PHF24: variants seen among roughly 807,000 people sequenced by gnomAD.
PHF24 encodes PHD finger protein 24, also known as Galpha inhibitory interacting protein.
Under a neutral mutation model 42.6 loss-of-function variants are expected in PHF24, and 25 were observed. The ratio of observed to expected loss-of-function variants is 0.59; its 90% CI spans 0.43 to 0.82. PHF24 has a LOEUF of 0.82. Ranked by LOEUF, PHF24 falls within the 40% of genes least tolerant of loss-of-function variation. The pLI is 0.00. For missense variants in PHF24, 470 were observed against 538.1 expected (o/e 0.87, Z 1.25); for synonymous variants, 185 against 204.8 (o/e 0.90, Z 0.83).
the PHF24 span, chr9:34,922,934 C>T: frequency 1.4e-6 from 2 of 1,444,154 alleles, no homozygotes; most frequent in Non-Finnish European, 1.9e-6. Flanking sequence ...CTGGATGTTC[C>T]AGCAGTGGTC....
the PHF24 span, among the ~76,000 whole-genome samples, chr9:34,668,428 A>G: frequency 1.3e-5 from 2 of 152,346 alleles, no homozygotes; most frequent in East Asian, 3.9e-4. Context: ...ACAGGCACAC[A>G]CATAGACTGC....
chr9:34,678,939 A>T, the PHF24 span, among the ~76,000 whole-genome samples: 1 of 152,006 alleles, frequency 6.6e-6, no homozygotes, highest in Non-Finnish European at 1.5e-5. Flanking sequence ...CCCTTTAGAT[A>T]TGTCTATTCC....
chr9:34,819,724 G>A, the PHF24 span, among the ~76,000 whole-genome samples: 1 of 152,124 alleles, frequency 6.6e-6, no homozygotes, highest in Non-Finnish European at 1.5e-5. Context: ...CCAGAATGTG[G>A]TATATGATGC....
chr9:34,976,009 C>A, intron 3 of PHF24, 143 bp from the exon 4 acceptor site: 1 of 650,480 alleles, frequency 1.5e-6, no homozygotes. Context: ...TCTGGGGCCT[C>A]AATCTCATTG....
the PHF24 span, among the ~76,000 whole-genome samples, chr9:34,915,288 G>T: frequency 6.6e-6 from 1 of 151,688 alleles, no homozygotes; most frequent in Admixed American, 6.6e-5. Flanking sequence ...TTCCTAACAT[G>T]TGCGTCTGCT....
the PHF24 span, among the ~76,000 whole-genome samples, chr9:34,736,743 A>C: frequency 1.3e-5 from 2 of 152,258 alleles, no homozygotes; most frequent in Non-Finnish European, 2.9e-5. Flanking sequence ...AAGATGCTAA[A>C]GGCAGCTTGA....
At chr9:34,696,465 CGACA>C in the PHF24 span, among the ~76,000 whole-genome samples, 5 of 135,598 alleles carry the variant, frequency 3.7e-5, no homozygotes, top group African/African-American at 1.4e-4. Context: ...TCCAGGCTGG[CGACA>C]GAGCAAGACT....
At chr9:34,941,061 A>C in the PHF24 span, among the ~76,000 whole-genome samples, 1 of 152,186 alleles carries the variant, frequency 6.6e-6, no homozygotes, top group Non-Finnish European at 1.5e-5. Flanking sequence ...TGGATATGAA[A>C]TACAAAATCC....
At chr9:34,679,530 C>T in the PHF24 span, among the ~76,000 whole-genome samples, 1 of 152,164 alleles carries the variant, frequency 6.6e-6, no homozygotes, top group Non-Finnish European at 1.5e-5. Context: ...TCCTGGCCAA[C>T]ATGGTGAAAC....
chr9:34,971,380 C>T (rs1419240252), exon 2 of PHF24: 1 of 1,614,134 alleles, frequency 6.2e-7, no homozygotes, highest in South Asian at 1.1e-5. Flanking sequence ...CAAGGATGGG[C>T]TGCGGGACAG....
At chr9:34,834,108 G>C in the PHF24 span, 3 of 1,375,270 alleles carry the variant, frequency 2.2e-6, no homozygotes, top group Non-Finnish European at 3.0e-6. Context: ...TTGTGATGTA[G>C]GTCTGGGTCA....
At chr9:34,669,631 G>C in the PHF24 span, among the ~76,000 whole-genome samples, 2 of 151,606 alleles carry the variant, frequency 1.3e-5, no homozygotes, top group Non-Finnish European at 2.9e-5. Flanking sequence ...GTCCATGAGT[G>C]TGTGTGGATC....
chr9:34,926,338 A>G, the PHF24 span, among the ~76,000 whole-genome samples: 1 of 152,156 alleles, frequency 6.6e-6, no homozygotes, highest in Non-Finnish European at 1.5e-5. The surrounding 1 kb of genome is among the most constrained non-coding windows in gnomAD (Gnocchi z 4.3). Flanking sequence ...ACATGGGTGT[A>G]AGGCTGCTCA....
At chr9:34,709,718 C>T in the PHF24 span, 379 of 1,613,400 alleles carry the variant, frequency 2.3e-4, 2 homozygotes, top group East Asian at 7.6e-3. Flanking sequence ...CTTAGTCTTG[C>T]CCACCATGCC....
the PHF24 span, among the ~76,000 whole-genome samples, chr9:34,848,403 G>A: frequency 2.6e-5 from 4 of 151,226 alleles, no homozygotes; most frequent in East Asian, 1.9e-4. Flanking sequence ...TGTTTGTAGT[G>A]TTCTCTGATG....
the PHF24 span, among the ~76,000 whole-genome samples, chr9:34,927,392 T>G: frequency 1.3e-5 from 2 of 152,024 alleles, no homozygotes; most frequent in Non-Finnish European, 2.9e-5. Context: ...GTTTGCTCTT[T>G]TCTCAAGATG....
chr9:34,942,196 T>G, the PHF24 span, among the ~76,000 whole-genome samples: 13 of 152,294 alleles, frequency 8.5e-5, no homozygotes, highest in East Asian at 2.5e-3. Context: ...CTAAACCTAC[T>G]GCAGAACCCT....
At chr9:34,727,022 AG>A in the PHF24 span, 1 of 1,532,166 alleles carries the variant, frequency 6.5e-7, no homozygotes, top group Non-Finnish European at 8.8e-7. Flanking sequence ...TTAACGATGG[AG>A]TGACATCTGC....
At chr9:34,972,172 C>T (rs914819468) in intron 2 of PHF24, among the ~76,000 whole-genome samples, 174 bp from the exon 3 acceptor site, 1 of 152,192 alleles carries the variant, frequency 6.6e-6, no homozygotes, top group African/African-American at 2.4e-5. Context: ...CTGGAAGGAC[C>T]TCCTGGTTCT....
Sources: allele counts gnomAD v4.1 joint callset (sites outside exome capture counted in the v4.1 genomes callset), GRCh38; gene constraint gnomAD v4.1.1; non-coding constraint Gnocchi (gnomAD v3.1); transcripts MANE v1.5; gene names NCBI Gene and HGNC (gene_info 2026-07-23, HGNC 2026-07-21).